The following PLEKHA8 variants were observed in gnomAD, a reference collection of about 807,000 sequenced individuals.
PLEKHA8 encodes the protein pleckstrin homology domain containing A8, also known as pleckstrin homology domain-containing family A member 8.
A neutral mutation model predicts 68.2 loss-of-function variants in PLEKHA8; 36 were observed. The observed-to-expected ratio is 0.53, with a 90% CI of 0.40 to 0.70. The LOEUF is 0.70. Among genes scored for constraint, PLEKHA8 ranks in the 30% least tolerant of loss-of-function variants. The probability of loss-of-function intolerance (pLI) is 0.00; values close to 1 mark genes in which losing one functional copy is unlikely to be tolerated. For missense variants in PLEKHA8, 505 were observed against 615.4 expected, an observed-to-expected ratio of 0.82 and a Z score of 1.90; for synonymous variants, 211 against 216.1, an observed-to-expected ratio of 0.98 and a Z score of 0.20.
rs183779646 is a variant in PLEKHA8 at position 30,098,684 on chromosome 7, C to T, written c.1362+24552C>T. Reference sequence around the variant, plus strand: ...CCGTTTGTTAAACCCGTTGGAAAAGCGCAGTATTAGGGTGGGAGTGACCCG... The same window carrying T: ...CCGTTTGTTAAACCCGTTGGAAAAGTGCAGTATTAGGGTGGGAGTGACCCG... On this transcript the variant is annotated intron_variant, in intron 13 of 13. Coordinates refer to the PLEKHA8 transcript ENST00000396257. 6.6e-5 allele frequency among the ~76,000 whole-genome samples: 10 copies of T among 152,328 alleles called. No individual in the cohort carries two copies. In the East Asian group the frequency reaches 1.5e-3, roughly 23 times the overall value.
intron 12 of PLEKHA8, among the ~76,000 whole-genome samples, chr7:30,073,439 T>G (rs1232911949): frequency 6.6e-6 from 1 of 152,012 alleles, no homozygotes; most frequent in African/African-American, 2.4e-5. Context: ...TTGTCTCAAT[T>G]TTTCAATATC....
intron 10 of PLEKHA8, among the ~76,000 whole-genome samples, chr7:30,061,533 G>A (rs62446701): frequency 0.17 from 25,452 of 152,142 alleles, 2,172 homozygotes; most frequent in Middle Eastern, 0.22. Flanking sequence ...ATTCCTGTAG[G>A]TATACCTTTC....
chr7:30,067,373 G>A (rs1479147285), intron 12 of PLEKHA8, among the ~76,000 whole-genome samples: 1 of 152,134 alleles, frequency 6.6e-6, no homozygotes, highest in Non-Finnish European at 1.5e-5. Flanking sequence ...GGGGGCCTGA[G>A]GTGGGAGGAT....
At chr7:30,075,644 T>C (rs1380054150) in intron 13 of PLEKHA8, among the ~76,000 whole-genome samples, 1 of 152,128 alleles carries the variant, frequency 6.6e-6, no homozygotes, top group African/African-American at 2.4e-5. Flanking sequence ...ACTGTGGTCA[T>C]TGATCTCCCT....
At position 30,054,380 on chromosome 7, in the gene PLEKHA8, T is replaced by G. The variant is rs553262140; in HGVS notation, c.797-329T>G. On this transcript the variant is annotated intron_variant, in intron 7 of 13. Coordinates refer to ENST00000449726, the MANE Select transcript of PLEKHA8 (RefSeq NM_001197026.2). The stretch of plus-strand genomic sequence containing the variant: ...GTGCTAATAATGAGTAGTGATTGTA[T>G]TTATAATTGTAAAATTTTGGAAGCT... Among the ~76,000 whole-genome samples the G allele has an allele frequency of 4.6e-5, 7 of 152,352 alleles. No homozygotes were observed. The East Asian group carries it at 1.4e-3, about 29-fold the overall frequency.
At chr7:30,034,373 A>G (rs992836324) in intron 1 of PLEKHA8, among the ~76,000 whole-genome samples, 2 of 152,072 alleles carry the variant, frequency 1.3e-5, no homozygotes, top group African/African-American at 4.8e-5. Context: ...CAGTTGACCC[A>G]TGAATAATGC....
chr7:30,123,362 C>T lies in PLEKHA8; in HGVS notation c.1363-5904C>T, dbSNP rs73078002. On this transcript the variant is annotated intron_variant, in intron 13 of 13. Transcript: ENST00000396257. Reference sequence around the variant, plus strand: ...CTGGCTTTCTTTCCACTAAACAAATCTGCCTTTTAATGAAAACATTTCAGC... The same window carrying T: ...CTGGCTTTCTTTCCACTAAACAAATTTGCCTTTTAATGAAAACATTTCAGC... Among the ~76,000 whole-genome samples the T allele has an allele frequency of 3.1e-3, 470 of 152,332 alleles. 4 individuals are homozygous for T. Among genetic ancestry groups the T allele is most frequent in the Middle Eastern group, 6.8e-3 (2 of 294 alleles).
chr7:30,089,554 C>G (rs1023075898), downstream of PLEKHA8, among the ~76,000 whole-genome samples: 5 of 152,180 alleles, frequency 3.3e-5, no homozygotes, highest in African/African-American at 1.2e-4. Flanking sequence ...GGAGAATACA[C>G]TGACACTGTA....
intron 9 of PLEKHA8, among the ~76,000 whole-genome samples, chr7:30,056,278 T>TTCTCTCTCTCTCTCTCTCTCTCTC (rs761685260): frequency 5.3e-5 from 3 of 56,380 alleles, no homozygotes; most frequent in Non-Finnish European, 1.1e-4. Context: ...TAAAGATATA[T>TTCTCTCTCTCTCTCTCTCTCTCTC]TCTCTCTCTC....
At chr7:30,053,901 C>T (rs1408592563) in intron 7 of PLEKHA8, among the ~76,000 whole-genome samples, 1 of 152,086 alleles carries the variant, frequency 6.6e-6, no homozygotes, top group Non-Finnish European at 1.5e-5. Context: ...AATACATAAC[C>T]TTGTTTTATG....
intron 13 of PLEKHA8, 120 bp downstream of exon 13, chr7:30,074,252 G>GTC (rs1305267671): frequency 1.4e-5 from 9 of 633,178 alleles, no homozygotes; most frequent in Non-Finnish European, 2.1e-5. Context: ...AAAGTTGTGT[G>GTC]TGTGTGTGTG....
intron 4 of PLEKHA8, 74 bp downstream of exon 4, chr7:30,048,030 C>A: frequency 1.2e-6 from 1 of 859,638 alleles, no homozygotes; most frequent in Non-Finnish European, 1.5e-6. Context: ...ATATCCAATT[C>A]TGAGGTAAAA....
chr7:30,106,883 G>A lies in PLEKHA8; in HGVS notation c.1363-22383G>A, dbSNP rs149285737. 7.0e-3 allele frequency among the ~76,000 whole-genome samples: 1,072 copies of A among 152,260 alleles called. 4 individuals carry two copies. Among genetic ancestry groups the A allele is most frequent in the Non-Finnish European group, 0.012 (842 of 68,022 alleles). The stretch of plus-strand genomic sequence containing the variant: ...GCGCATAGGTTACATGCAAATGCTG[G>A]TCCATTTTACATAAGGGACTTCTGA... On this transcript the variant is annotated intron_variant, in intron 13 of 13. Transcript: ENST00000396257.
chr7:30,067,481 T>C (rs188383439), intron 12 of PLEKHA8, among the ~76,000 whole-genome samples: 53 of 152,058 alleles, frequency 3.5e-4, no homozygotes, highest in Middle Eastern at 3.4e-3. Flanking sequence ...AAAAAGAAAA[T>C]TATAAATAAT....
At position 30,054,711 on chromosome 7, in the gene PLEKHA8, C is replaced by A; in HGVS notation, c.799C>A (p.Gln267Lys). ...EENTDDNITVQGEIRKEDGME... is the reference protein window; with the variant it reads ...EENTDDNITVKGEIRKEDGME... ...AATAGATATTTTCTACTTTGCAGTCCAAGGTGAAATAAGGAAGGAAGATGG... is the reference window on the plus strand; with the variant it reads ...AATAGATATTTTCTACTTTGCAGTCAAAGGTGAAATAAGGAAGGAAGATGG... Residue 267 changes from glutamine to lysine, a missense_variant and splice_region_variant, in exon 8 of 14, where the codon CAA becomes AAA. Coordinates refer to ENST00000449726, the MANE Select transcript of PLEKHA8 (RefSeq NM_001197026.2). 1.9e-6 allele frequency: 3 copies of A among 1,568,578 alleles called. No homozygotes were observed. The highest frequency in any genetic ancestry group is 1.4e-5 in the African/African-American group (1 of 73,206).
downstream of PLEKHA8, among the ~76,000 whole-genome samples, chr7:30,095,480 G>A (rs758454579): frequency 2.7e-4 from 41 of 152,314 alleles, no homozygotes; most frequent in Non-Finnish European, 4.9e-4. Context: ...TAGGTTGCCT[G>A]TTCACTCTGA....
intron 1 of PLEKHA8, among the ~76,000 whole-genome samples, chr7:30,034,010 CTTTTTTTTTTTTTTT>C (rs56796780): frequency 1.0e-3 from 35 of 34,632 alleles, no homozygotes; most frequent in African/African-American, 3.3e-3. Flanking sequence ...TAAGAGGTTT[CTTTTTTTTTTTTTTT>C]TTTTTTTTTT....
At chr7:30,091,147 C>A (rs1583459528), downstream of PLEKHA8, among the ~76,000 whole-genome samples, 1 of 152,296 alleles carries the variant, frequency 6.6e-6, no homozygotes, top group East Asian at 1.9e-4. Flanking sequence ...AAGACCCTAT[C>A]TCTAAATATA....
intron 12 of PLEKHA8, among the ~76,000 whole-genome samples, chr7:30,073,563 T>TAAAAAAA (rs35738941): frequency 8.9e-5 from 10 of 111,764 alleles, no homozygotes; most frequent in Admixed American, 2.8e-4. Flanking sequence ...TTGTGTTTCT[T>TAAAAAAA]AAAAAAAAAA....
Sources: allele counts gnomAD v4.1 joint callset (sites outside exome capture counted in the v4.1 genomes callset), GRCh38; gene constraint gnomAD v4.1.1; transcripts MANE v1.5; gene names NCBI Gene and HGNC (gene_info 2026-07-23, HGNC 2026-07-21).